The following POU3F3 variants were observed in gnomAD, a reference collection of about 807,000 sequenced individuals.
POU3F3 encodes the protein POU domain, class 3, transcription factor 3.
POU3F3 carries 1 observed loss-of-function variant against 8.6 expected under a neutral mutation model. The observed-to-expected ratio is 0.12, with a 90% confidence interval of 0.04 to 0.55. POU3F3 has a LOEUF of 0.55. POU3F3 is among the 20% of genes least tolerant of loss of function. The pLI is 0.91. For missense variants in POU3F3, 577 were observed against 690.7 expected, an observed-to-expected ratio of 0.84 and a Z score of 1.84; for synonymous variants, 418 against 327.4, an observed-to-expected ratio of 1.28 and a Z score of -2.99.
At chr2:104,873,770 C>T in the POU3F3 span, among the ~76,000 whole-genome samples, 2,871 of 152,290 alleles carry the variant, frequency 0.019, 89 homozygotes, top group African/African-American at 0.064. Flanking sequence ...AAAACATACA[C>T]ACACACTCGA....
chr2:104,876,886 G>A, the POU3F3 span, among the ~76,000 whole-genome samples: 29 of 152,272 alleles, frequency 1.9e-4, no homozygotes, highest in African/African-American at 7.0e-4. Flanking sequence ...TGCTGCTTTC[G>A]CTCTTCAGGG....
the POU3F3 span, among the ~76,000 whole-genome samples, chr2:104,894,372 A>G: frequency 1.3e-5 from 2 of 152,180 alleles, no homozygotes; most frequent in Non-Finnish European, 2.9e-5. Flanking sequence ...TTTTCCTATG[A>G]TTCCTGTGAG....
chr2:104,921,694 G>C, the POU3F3 span, among the ~76,000 whole-genome samples: 2 of 152,076 alleles, frequency 1.3e-5, no homozygotes, highest in African/African-American at 4.8e-5. Flanking sequence ...TTTAACTCTA[G>C]GACATTCAGA....
the POU3F3 span, among the ~76,000 whole-genome samples, chr2:104,901,645 G>A: frequency 4.6e-5 from 7 of 152,278 alleles, no homozygotes; most frequent in East Asian, 5.8e-4. Context: ...CATAACACTC[G>A]CAGGTCTCCA....
chr2:104,869,882 G>A, the POU3F3 span: 2 of 152,198 alleles, frequency 1.3e-5, no homozygotes, highest in African/African-American at 4.8e-5. Context: ...GGGGTGTCCA[G>A]GGTCAGCAGG....
At chr2:104,893,353 A>G in the POU3F3 span, among the ~76,000 whole-genome samples, 1 of 152,200 alleles carries the variant, frequency 6.6e-6, no homozygotes, top group Non-Finnish European at 1.5e-5. Flanking sequence ...AGCCTGGGCC[A>G]GTGTCCTGAG....
the POU3F3 span, among the ~76,000 whole-genome samples, chr2:104,907,834 C>T: frequency 6.6e-6 from 1 of 152,034 alleles, no homozygotes; most frequent in South Asian, 2.1e-4. Context: ...AACGGGGCCC[C>T]TTGACTTGCT....
chr2:104,876,692 G>A, the POU3F3 span, among the ~76,000 whole-genome samples: 5 of 152,200 alleles, frequency 3.3e-5, no homozygotes, highest in Non-Finnish European at 5.9e-5. Flanking sequence ...AGACGGGGTC[G>A]TGGCTGCGGC....
the POU3F3 span, among the ~76,000 whole-genome samples, chr2:104,923,417 C>G: frequency 6.6e-6 from 1 of 152,084 alleles, no homozygotes; most frequent in Non-Finnish European, 1.5e-5. Context: ...TGTATAGGAG[C>G]AGAGTTGTTT....
chr2:104,925,864 C>G, the POU3F3 span: 1 of 152,094 alleles, frequency 6.6e-6, no homozygotes, highest in African/African-American at 2.4e-5. Context: ...TTTAAGAAAC[C>G]ATTTTGGACG....
the POU3F3 span, among the ~76,000 whole-genome samples, chr2:104,871,947 C>A: frequency 6.6e-6 from 1 of 152,086 alleles, no homozygotes; most frequent in Non-Finnish European, 1.5e-5. Flanking sequence ...GCGAAAGTTT[C>A]CCCCGCTCTT....
At chr2:104,907,826 C>T in the POU3F3 span, among the ~76,000 whole-genome samples, 41 of 152,054 alleles carry the variant, frequency 2.7e-4, no homozygotes, top group African/African-American at 8.5e-4. Context: ...TTGGTGATAA[C>T]GGGGCCCCTT....
chr2:104,911,625 T>G, the POU3F3 span, among the ~76,000 whole-genome samples: 1 of 151,968 alleles, frequency 6.6e-6, no homozygotes, highest in African/African-American at 2.4e-5. Context: ...TGAAAAGCCC[T>G]ACATACCCCC....
the POU3F3 span, among the ~76,000 whole-genome samples, chr2:104,922,232 T>C: frequency 5.3e-5 from 8 of 152,104 alleles, no homozygotes; most frequent in East Asian, 1.9e-4. Flanking sequence ...GATTCCAATG[T>C]CTTGTTTTCA....
the POU3F3 span, among the ~76,000 whole-genome samples, chr2:104,882,239 C>T: frequency 7.0e-6 from 1 of 142,494 alleles, no homozygotes; most frequent in Non-Finnish European, 1.5e-5. Context: ...GAAAGAAAAC[C>T]TGAATTTTTT....
chr2:104,860,985 G>C (rs1676649712), downstream of POU3F3, among the ~76,000 whole-genome samples: 1 of 151,630 alleles, frequency 6.6e-6, no homozygotes, highest in Non-Finnish European at 1.5e-5. Flanking sequence ...TTATCGATAA[G>C]TGTAATATTT....
chr2:104,863,055 C>A (rs1198026742), downstream of POU3F3, among the ~76,000 whole-genome samples: 1 of 151,470 alleles, frequency 6.6e-6, no homozygotes, highest in Non-Finnish European at 1.5e-5. Context: ...TCAACTGAAC[C>A]CTTTTGAAAC....
At chr2:104,883,698 TTAA>T in the POU3F3 span, among the ~76,000 whole-genome samples, 1 of 152,194 alleles carries the variant, frequency 6.6e-6, no homozygotes, top group Non-Finnish European at 1.5e-5. Context: ...GCTGGTGTGT[TTAA>T]TGTCAGAAAA....
chr2:104,909,582 G>A, the POU3F3 span, among the ~76,000 whole-genome samples: 1 of 152,190 alleles, frequency 6.6e-6, no homozygotes, highest in East Asian at 1.9e-4. Flanking sequence ...ATGCCTGGCT[G>A]TGCCCTTCAC....
Sources: allele counts gnomAD v4.1 joint callset (sites outside exome capture counted in the v4.1 genomes callset), GRCh38; gene constraint gnomAD v4.1.1; transcripts MANE v1.5; gene names NCBI Gene and HGNC (gene_info 2026-07-23, HGNC 2026-07-21).